HIF1A: variants seen among roughly 807,000 people sequenced by gnomAD.
The protein encoded by HIF1A is hypoxia inducible factor 1 subunit alpha.
HIF1A carries 24 observed loss-of-function variants against 92.7 expected under a neutral mutation model. That is an observed-to-expected ratio of 0.26 (90% CI 0.19 to 0.36). The LOEUF is 0.36. HIF1A is among the 10% of genes least tolerant of loss of function. The pLI is 1.00. For synonymous variants in HIF1A, 319 were observed against 338.7 expected, an observed-to-expected ratio of 0.94 and a Z score of 0.64; for missense variants, 799 against 998.5, an observed-to-expected ratio of 0.80 and a Z score of 2.69.
chr14:61,706,563 A>G (rs2044241408), intron 1 of HIF1A, among the ~76,000 whole-genome samples: 1 of 152,232 alleles, frequency 6.6e-6, no homozygotes, highest in Non-Finnish European at 1.5e-5. Flanking sequence ...AGTTATAGCT[A>G]AAAATAAATT....
chr14:61,741,053 G>C lies in HIF1A; in HGVS notation c.1958G>C (p.Ser653Thr), dbSNP rs753638009. The stretch of plus-strand genomic sequence containing the variant: ...ACCCACATACATAAAGAAACTACTA[G>C]TGCCACATCATCACCATATAGAGAT... ...SPTHIHKETT[S>T]ATSSPYRDTQ... The change falls in exon 12 of 15, where the codon AGT (serine) becomes ACT (threonine). Residue 653 changes from serine to threonine, a missense_variant. Physicochemically the swap from Ser to Thr is moderately conservative, Grantham distance 58. Coordinates refer to ENST00000337138, the MANE Select transcript of HIF1A (RefSeq NM_001530.4). 4.3e-6 allele frequency: 7 copies of C among 1,613,966 alleles called. No homozygotes were observed. The Admixed American group carries it at 6.7e-5, about 15-fold the overall frequency.
intron 12 of HIF1A, among the ~76,000 whole-genome samples, chr14:61,743,901 C>G (rs2044744437): frequency 6.6e-6 from 1 of 152,088 alleles, no homozygotes; most frequent in Non-Finnish European, 1.5e-5. Flanking sequence ...CATATTGCAA[C>G]TAGTGAGCAG....
At chr14:61,702,937 A>T (rs1318884143) in intron 1 of HIF1A, among the ~76,000 whole-genome samples, 1 of 152,230 alleles carries the variant, frequency 6.6e-6, no homozygotes, top group Non-Finnish European at 1.5e-5. Flanking sequence ...CTAAATAGTG[A>T]GGAAGAGTAT....
At chr14:61,736,163 A>G (rs547491498) in intron 8 of HIF1A, among the ~76,000 whole-genome samples, 1 of 151,956 alleles carries the variant, frequency 6.6e-6, no homozygotes, top group Non-Finnish European at 1.5e-5. Context: ...TATTTTTAGT[A>G]GAGACAGGGT....
chr14:61,741,141 A>G lies in HIF1A; in HGVS notation c.2046A>G (p.Lys682=). The stretch of plus-strand genomic sequence containing the variant: ...AAGGAGTCATAGAACAGACAGAAAA[A>G]TCTCATCCAAGAAGCCCTAACGTGT... ...AGKGVIEQTE[K]SHPRSPNVLS... The change falls in exon 12 of 15, where the codon AAA becomes AAG. Residue 682 remains lysine, a synonymous_variant. Coordinates refer to ENST00000337138, the MANE Select transcript of HIF1A (RefSeq NM_001530.4). 6.2e-7 allele frequency: 1 copy of G among 1,612,772 alleles called. No individual in the cohort carries two copies. Among genetic ancestry groups the G allele is most frequent in the Non-Finnish European group, 8.5e-7 (1 of 1,179,702 alleles).
intron 12 of HIF1A, among the ~76,000 whole-genome samples, chr14:61,743,517 C>T (rs2044739708): frequency 3.3e-5 from 5 of 152,182 alleles, no homozygotes; most frequent in Admixed American, 3.3e-4. Context: ...GACTGAGTTA[C>T]ATTTCATAAA....
chr14:61,702,909 A>G (rs1477950833), intron 1 of HIF1A, among the ~76,000 whole-genome samples: 1 of 152,224 alleles, frequency 6.6e-6, no homozygotes, highest in Non-Finnish European at 1.5e-5. Context: ...AAAAATTTAC[A>G]TCTACATTTT....
chr14:61,718,073 C>G (rs2044383662), intron 1 of HIF1A, among the ~76,000 whole-genome samples: 1 of 151,108 alleles, frequency 6.6e-6, no homozygotes, highest in Admixed American at 6.6e-5. Context: ...AATTTTTTCA[C>G]CAAGTGTTTC....
chr14:61,736,643 G>A (rs188376524), intron 8 of HIF1A, among the ~76,000 whole-genome samples: 6 of 152,292 alleles, frequency 3.9e-5, no homozygotes, highest in Admixed American at 6.5e-5. Flanking sequence ...CCATGTTGCT[G>A]CAAAGGACAT....
At chr14:61,719,281 G>A (rs1278773270) in intron 1 of HIF1A, among the ~76,000 whole-genome samples, 1 of 152,148 alleles carries the variant, frequency 6.6e-6, no homozygotes, top group African/African-American at 2.4e-5. Context: ...AGTGAGTTGA[G>A]GGGCATAGGA....
At chr14:61,724,374 T>TCTCTCTCTCTCCCC (rs1185336183) in intron 4 of HIF1A, among the ~76,000 whole-genome samples, 2 of 150,314 alleles carry the variant, frequency 1.3e-5, no homozygotes, top group Non-Finnish European at 3.0e-5. Context: ...TCTCTCTCTC[T>TCTCTCTCTCTCCCC]CTCTCTCCCC....
At chr14:61,732,620 T>G (rs969657552) in intron 7 of HIF1A, 96 bp downstream of exon 7, 3 of 733,250 alleles carry the variant, frequency 4.1e-6, no homozygotes, top group African/African-American at 1.7e-5. Context: ...GGTTAAAAGT[T>G]CTAGACTAAA....
At chr14:61,742,322 G>A (rs775069535) in intron 12 of HIF1A, among the ~76,000 whole-genome samples, 2 of 152,178 alleles carry the variant, frequency 1.3e-5, no homozygotes, top group African/African-American at 4.8e-5. Flanking sequence ...AATAGCAATA[G>A]GAAAGAACCA....
chr14:61,695,755 G>T lies in HIF1A; in HGVS notation c.-50G>T. The T allele has an allele frequency of 6.4e-7, 1 of 1,562,492 alleles. No homozygotes were observed. Among genetic ancestry groups the T allele is most frequent in the Admixed American group, 1.9e-5 (1 of 51,608 alleles). ...GGAGGGAGCCAGCGCTTAGGCCGGA[G>T]CGAGCCTGGGGGCCGCCCGCCGTGA... On this transcript the variant is annotated 5_prime_UTR_variant, in exon 1 of 15. Transcript: ENST00000337138.
intron 4 of HIF1A, among the ~76,000 whole-genome samples, chr14:61,724,915 A>G (rs1163343898): frequency 6.6e-6 from 1 of 152,222 alleles, no homozygotes; most frequent in African/African-American, 2.4e-5. Context: ...CTCCATGTGG[A>G]CATCCACAGC....
intron 1 of HIF1A, among the ~76,000 whole-genome samples, chr14:61,712,500 G>A (rs986260477): frequency 6.6e-6 from 1 of 150,662 alleles, no homozygotes; most frequent in Admixed American, 6.7e-5. Flanking sequence ...GATTATTCTA[G>A]TTGCTGTTAC....
intron 1 of HIF1A, chr14:61,697,681 TG>T: frequency 8.1e-7 from 1 of 1,238,510 alleles, no homozygotes; most frequent in African/African-American, 1.6e-5. Context: ...TAGAAGTTCT[TG>T]ATATAACTGA....
chr14:61,708,787 C>T (rs1045933036), intron 1 of HIF1A, among the ~76,000 whole-genome samples: 2 of 152,148 alleles, frequency 1.3e-5, no homozygotes, highest in Non-Finnish European at 2.9e-5. Context: ...GGCAAGCATT[C>T]TGTGTTTTGA....
At chr14:61,703,228 T>G (rs1291799198) in intron 1 of HIF1A, among the ~76,000 whole-genome samples, 3 of 152,230 alleles carry the variant, frequency 2.0e-5, no homozygotes, top group Non-Finnish European at 4.4e-5. Flanking sequence ...TGTAATTGCC[T>G]GTTTATCTTC....
Sources: gnomAD v4.1 joint callset for allele counts (sites outside exome capture counted in the v4.1 genomes callset) on GRCh38, gnomAD v4.1.1 for gene constraint, MANE v1.5 for transcripts, NCBI Gene and HGNC (gene_info 2026-07-23, HGNC 2026-07-21) for gene names.